CEACAM21: variants seen among roughly 807,000 people sequenced by gnomAD.
CEACAM21 encodes the protein CEA cell adhesion molecule 21.
In CEACAM21, 38 loss-of-function variants were observed where a neutral mutation model predicts 33.2. The observed-to-expected ratio is 1.14, with a 90% CI of 0.88 to 1.50. CEACAM21 has a LOEUF of 1.50. Among genes scored for constraint, CEACAM21 ranks in the 40% most tolerant of loss-of-function variants. CEACAM21 has a pLI of 0.00. For synonymous variants in CEACAM21, 156 were observed against 143.0 expected (o/e 1.09, Z -0.65); for missense variants, 385 against 364.6 (o/e 1.06, Z -0.46).
Position 41,585,838 on chromosome 19 carries a change from A to C in CEACAM21, c.851-2A>C. On this transcript the variant is annotated splice_acceptor_variant, in intron 5 of 6. Coordinates refer to ENST00000401445, the MANE Select transcript of CEACAM21 (RefSeq NM_001098506.4). LOFTEE classifies it high-confidence loss of function. ...CGTGCTCACTTTTGTCTCTGTCCCCAGGCCATGGACCCTCTGACAGCTCCA... is the reference window on the plus strand; with the variant it reads ...CGTGCTCACTTTTGTCTCTGTCCCCCGGCCATGGACCCTCTGACAGCTCCA... The C allele has an allele frequency of 6.2e-7, 1 of 1,612,628 alleles. No homozygotes were observed. The highest frequency in any genetic ancestry group is 1.1e-5 in the South Asian group (1 of 90,618).
Position 41,586,726 on chromosome 19 carries a change from GC to G in CEACAM21, c.*265del. 1 of 376,976 alleles carries G rather than the reference GC, an allele frequency of 2.7e-6. No homozygotes were observed. The highest frequency in any genetic ancestry group is 2.2e-5 in the South Asian group (1 of 45,772). The allele number at this position is 376,976 out of a possible 1,614,324, so 23.4% of individuals were successfully genotyped here. ...ACAGACTGCCCCGGGCTCTGGGTGG[GC>G]CAAGGCGAAGGCTTCCCATCACCAC... On this transcript the variant is annotated 3_prime_UTR_variant, in exon 7 of 7. Transcript: ENST00000401445.
chr19:41,579,191 G>C (rs2043177389), intron 2 of CEACAM21, 162 bp from the exon 3 acceptor site: 2 of 1,162,416 alleles, frequency 1.7e-6, no homozygotes, highest in Admixed American at 2.2e-5. Context: ...GGTCACTGTA[G>C]TCCCTACTGC....
chr19:41,584,595 C>G (rs2070579242), intron 4 of CEACAM21, among the ~76,000 whole-genome samples, 152 bp downstream of exon 4: 1 of 152,174 alleles, frequency 6.6e-6, no homozygotes, highest in African/African-American at 2.4e-5. Flanking sequence ...CCTTCCTCAC[C>G]AGCTGCTGAC....
At position 41,577,080 on chromosome 19, in the gene CEACAM21, G is replaced by GAC. The variant is rs148980547; in HGVS notation, c.65-101_65-100dup. ...CATGCTGCTGACTTTGACCCAGTAG[G>GAC]ACACACACACACACACACACCCTCT... On this transcript the variant is annotated intron_variant, in intron 1 of 6. Transcript: ENST00000401445. The GAC allele has an allele frequency of 0.011, 10,997 of 1,029,792 alleles. 315 individuals are homozygous for GAC. In the African/African-American group the frequency reaches 0.12, roughly 11 times the overall value. 63.8% of individuals were successfully genotyped at this position (1,029,792 alleles called of 1,614,324 possible).
intron 1 of CEACAM21, chr19:41,550,816 A>G (rs1323473101): frequency 2.0e-5 from 3 of 152,164 alleles, no homozygotes; most frequent in East Asian, 1.9e-4. Flanking sequence ...GATAAATCCT[A>G]TATGTTACGG....
intron 3 of CEACAM21, among the ~76,000 whole-genome samples, chr19:41,581,875 A>C (rs2043417155): frequency 1.3e-5 from 2 of 152,132 alleles, no homozygotes; most frequent in Non-Finnish European, 2.9e-5. Flanking sequence ...ATGTCATTCC[A>C]CCCGACCCCT....
At chr19:41,550,499 G>C (rs1349857302) in intron 1 of CEACAM21, 2 of 152,214 alleles carry the variant, frequency 1.3e-5, no homozygotes, top group African/African-American at 4.8e-5. Flanking sequence ...GGCCGGGCGC[G>C]GTGGCTCACG....
chr19:41,558,195 T>C (rs530949302), intron 1 of CEACAM21, among the ~76,000 whole-genome samples: 1 of 152,026 alleles, frequency 6.6e-6, no homozygotes, highest in African/African-American at 2.4e-5. Flanking sequence ...TGCTTCATAA[T>C]TATAAGTCAT....
At chr19:41,581,649 C>A (rs1199801960) in intron 3 of CEACAM21, among the ~76,000 whole-genome samples, 2 of 152,120 alleles carry the variant, frequency 1.3e-5, no homozygotes, top group Non-Finnish European at 2.9e-5. Context: ...TGGCAGAAGG[C>A]AAAAGGCATG....
At chr19:41,575,916 G>A (rs782722820), upstream of CEACAM21, among the ~76,000 whole-genome samples, 7 of 152,156 alleles carry the variant, frequency 4.6e-5, no homozygotes, top group East Asian at 1.9e-4. Flanking sequence ...ATAATCTACC[G>A]GCTGTGACAG....
intron 2 of CEACAM21, 198 bp from the exon 3 acceptor site, chr19:41,579,155 G>T (rs2043175820): frequency 1.3e-6 from 1 of 794,562 alleles, no homozygotes; most frequent in South Asian, 1.9e-5. Context: ...AGGCAGCTGG[G>T]TCCTCCTGGT....
At chr19:41,571,714 A>T (rs530704519), upstream of CEACAM21, among the ~76,000 whole-genome samples, 1 of 152,234 alleles carries the variant, frequency 6.6e-6, no homozygotes, top group Non-Finnish European at 1.5e-5. Flanking sequence ...GTGTCTGGAC[A>T]GTGTTGGGGT....
Position 41,584,398 on chromosome 19 carries a change from T to A in CEACAM21, c.752T>A (p.Leu251Gln), listed in dbSNP as rs1555794480. 3 of 1,611,196 alleles carry A rather than the reference T, an allele frequency of 1.9e-6. No homozygotes were observed. Among genetic ancestry groups the A allele is most frequent in the Non-Finnish European group, 2.5e-6 (3 of 1,178,608 alleles). Residue 251 changes from leucine to glutamine, a missense_variant, in exon 4 of 7, where the codon CTG (leucine) becomes CAG (glutamine). Leu to Gln is a moderately radical substitution (Grantham distance 113). Transcript: ENST00000401445. ...ATCGGGGTCCTGGTTGGGAGTCTTC[T>A]GGTGGCTGCACTTGTGTGTTTCCTG... ...ILIGVLVGSLLVAALVCFLLL... is the reference protein window; with the variant it reads ...ILIGVLVGSLQVAALVCFLLL...
chr19:41,582,266 C>A (rs1268827946), intron 3 of CEACAM21, among the ~76,000 whole-genome samples: 1 of 152,244 alleles, frequency 6.6e-6, no homozygotes, highest in Non-Finnish European at 1.5e-5. Context: ...CCTTGGGCTC[C>A]ACCCCTGTGG....
chr19:41,579,926 C>G (rs926085463), intron 3 of CEACAM21, among the ~76,000 whole-genome samples: 10 of 152,254 alleles, frequency 6.6e-5, no homozygotes, highest in African/African-American at 2.4e-4. Flanking sequence ...GAGATTAATG[C>G]GATTAAAGCC....
At chr19:41,570,943 A>T (rs1001839983) in intron 2 of CEACAM21, among the ~76,000 whole-genome samples, 1 of 151,844 alleles carries the variant, frequency 6.6e-6, no homozygotes, top group Admixed American at 6.6e-5. Flanking sequence ...TGGTGGGGAG[A>T]CATGGGAGGA....
rs200169591 is a variant in CEACAM21, at chr19:41,576,295, T to C, written c.21T>C (p.Cys7=). The C allele has an allele frequency of 6.2e-7, 1 of 1,613,334 alleles. No individual in the cohort carries two copies. Among genetic ancestry groups the C allele is most frequent in the Admixed American group, 1.7e-5 (1 of 59,920 alleles). The change falls in exon 1 of 7, where the codon TGT becomes TGC. Residue 7 remains cysteine, a synonymous_variant. Transcript: ENST00000401445. ...AGACCATGGGGCCCCCCTCAGCTTG[T>C]CCCCACAGAGAATGCATCCCCTGGC... MGPPSA[C]PHRECIPWQG... is the part of the protein sequence containing the mutation.
upstream of CEACAM21, among the ~76,000 whole-genome samples, chr19:41,573,246 C>T (rs887718233): frequency 2.0e-5 from 3 of 152,222 alleles, no homozygotes; most frequent in Non-Finnish European, 2.9e-5. Flanking sequence ...CAGGACAGCA[C>T]CAGCCCAGGA....
chr19:41,570,576 C>T (rs536532610), intron 2 of CEACAM21, among the ~76,000 whole-genome samples: 2 of 152,296 alleles, frequency 1.3e-5, no homozygotes, highest in South Asian at 4.1e-4. Context: ...CGGGCAGAAT[C>T]ATGCACTCCC....
Sources: gnomAD v4.1 joint callset for allele counts (sites outside exome capture counted in the v4.1 genomes callset) on GRCh38, gnomAD v4.1.1 for gene constraint, MANE v1.5 for transcripts, NCBI Gene and HGNC (gene_info 2026-07-23, HGNC 2026-07-21) for gene names.